The following DAB2IP variants were observed in gnomAD, a reference collection of about 807,000 sequenced individuals.
DAB2IP encodes disabled homolog 2-interacting protein.
Under a neutral mutation model 107.2 loss-of-function variants are expected in DAB2IP, and 28 were observed. The ratio of observed to expected loss-of-function variants is 0.26; its 90% confidence interval spans 0.19 to 0.36. DAB2IP has a LOEUF of 0.36. Ranked by LOEUF, DAB2IP falls within the 10% of genes least tolerant of loss-of-function variation. The probability of loss-of-function intolerance (pLI) is 1.00; values close to 1 mark genes in which losing one functional copy is unlikely to be tolerated. For missense variants in DAB2IP, 1,400 were observed against 1,644.7 expected, an observed-to-expected ratio of 0.85 and a Z score of 2.57; for synonymous variants, 755 against 706.4, an observed-to-expected ratio of 1.07 and a Z score of -1.09.
rs1224462192 is a variant in DAB2IP at position 121,772,182 on chromosome 9, G to A, written c.2079-425G>A. 6.6e-6 allele frequency among the ~76,000 whole-genome samples: 1 copy of A among 152,208 alleles called. No individual in the cohort carries two copies. Among genetic ancestry groups the A allele is most frequent in the Non-Finnish European group, 1.5e-5 (1 of 68,030 alleles). Reference sequence around the variant, plus strand: ...GTTACCAGTCTGATTAGGAACAAGAGGGAAGAGGCAGAGGGAACCCAGTGA... The same window carrying A: ...GTTACCAGTCTGATTAGGAACAAGAAGGAAGAGGCAGAGGGAACCCAGTGA... On this transcript the variant is annotated intron_variant, in intron 11 of 15. Transcript: ENST00000408936. This position sits in a 1 kb window ranked among gnomAD's most constrained non-coding sequence, Gnocchi z 4.7.
intron 8 of DAB2IP, among the ~76,000 whole-genome samples, chr9:121,764,203 C>T (rs1378496492): frequency 6.6e-5 from 10 of 152,278 alleles, no homozygotes; most frequent in Middle Eastern, 3.4e-3. Context: ...TTGGGGTGGG[C>T]GGATGGCTTC....
intron 3 of DAB2IP, among the ~76,000 whole-genome samples, chr9:121,714,623 G>A (rs115640045): frequency 0.015 from 2,276 of 152,322 alleles, 69 homozygotes; most frequent in African/African-American, 0.051. Context: ...TTCAGTTAGA[G>A]CCAGTTACAT....
At chr9:121,588,868 A>G (rs1830366007) in intron 1 of DAB2IP, among the ~76,000 whole-genome samples, 1 of 151,880 alleles carries the variant, frequency 6.6e-6, no homozygotes, top group Non-Finnish European at 1.5e-5. Flanking sequence ...GCAACCCCCA[A>G]GAGCTAAGCA....
chr9:121,596,817 T>C (rs1830540404), intron 1 of DAB2IP, among the ~76,000 whole-genome samples: 1 of 152,214 alleles, frequency 6.6e-6, no homozygotes, highest in Non-Finnish European at 1.5e-5. Flanking sequence ...TGCCAAATTG[T>C]TTCCCAGAGT....
At chr9:121,680,177 G>A (rs529700591) in intron 2 of DAB2IP, among the ~76,000 whole-genome samples, 1 of 152,320 alleles carries the variant, frequency 6.6e-6, no homozygotes, top group African/African-American at 2.4e-5. Context: ...AGGAGGTGAG[G>A]CTGGGAGGCC....
intron 3 of DAB2IP, chr9:121,753,152 G>T (rs1833243721): frequency 2.0e-5 from 3 of 152,334 alleles, no homozygotes; most frequent in Non-Finnish European, 2.9e-5. Context: ...GCAGTGTGGA[G>T]TCCACGCCCT....
At chr9:121,783,476 G>A in exon 16 of DAB2IP, 1 of 1,613,800 alleles carries the variant, frequency 6.2e-7, no homozygotes, top group Non-Finnish European at 8.5e-7. Context: ...TTTAAAAAAA[G>A]ATTCTAACGC....
At chr9:121,637,381 C>T (rs1027986549) in intron 1 of DAB2IP, among the ~76,000 whole-genome samples, 8 of 152,202 alleles carry the variant, frequency 5.3e-5, no homozygotes, top group African/African-American at 1.7e-4. Flanking sequence ...GAAGCCACTT[C>T]GTCCGTGAAA....
At chr9:121,725,486 A>G (rs377082023) in intron 3 of DAB2IP, among the ~76,000 whole-genome samples, 5 of 152,098 alleles carry the variant, frequency 3.3e-5, no homozygotes, top group African/African-American at 9.7e-5. Context: ...AATTCCAGCC[A>G]TTGTTTCCTG....
intron 9 of DAB2IP, among the ~76,000 whole-genome samples, chr9:121,767,500 C>T (rs1013035499): frequency 2.6e-5 from 4 of 152,288 alleles, no homozygotes; most frequent in Non-Finnish European, 5.9e-5. Flanking sequence ...CAGGGTGAGG[C>T]GTTCATTGTC....
At chr9:121,783,657 A>T in exon 16 of DAB2IP, 2 of 1,373,716 alleles carry the variant, frequency 1.5e-6, no homozygotes, top group Non-Finnish European at 2.1e-6. Context: ...TCCCTCTCCA[A>T]GACAGCAGCA....
chr9:121,722,502 T>C (rs1370649304), intron 3 of DAB2IP, among the ~76,000 whole-genome samples: 1 of 152,148 alleles, frequency 6.6e-6, no homozygotes, highest in Non-Finnish European at 1.5e-5. Context: ...GCAGAAATGG[T>C]CCTTCAGATT....
chr9:121,647,338 A>G (rs931478287), upstream of DAB2IP, among the ~76,000 whole-genome samples: 1 of 152,182 alleles, frequency 6.6e-6, no homozygotes, highest in Non-Finnish European at 1.5e-5. Context: ...TTTATGGGCA[A>G]TTTAAGGCTT....
intron 1 of DAB2IP, among the ~76,000 whole-genome samples, chr9:121,593,994 A>G (rs1830472812): frequency 6.6e-6 from 1 of 151,824 alleles, no homozygotes; most frequent in South Asian, 2.1e-4. Flanking sequence ...AACCTGATCA[A>G]GTTCTTTCCA....
intron 1 of DAB2IP, chr9:121,575,292 T>G (rs1213338728): frequency 6.5e-6 from 1 of 154,408 alleles, no homozygotes; most frequent in Non-Finnish European, 1.4e-5. Context: ...CTCGGAGGGA[T>G]GGGGACAGCA....
intron 2 of DAB2IP, among the ~76,000 whole-genome samples, chr9:121,693,932 G>C (rs149491123): frequency 6.6e-6 from 1 of 152,136 alleles, no homozygotes; most frequent in Non-Finnish European, 1.5e-5. Context: ...TCCAGGTGGC[G>C]GTGCTGAAAT....
intron 1 of DAB2IP, among the ~76,000 whole-genome samples, chr9:121,645,775 G>A (rs1468307274): frequency 3.3e-5 from 5 of 152,148 alleles, no homozygotes; most frequent in East Asian, 1.9e-4. Flanking sequence ...CGGACATTCC[G>A]GGGCTTTATG....
At chr9:121,600,895 G>A (rs1312154349) in intron 1 of DAB2IP, among the ~76,000 whole-genome samples, 1 of 152,176 alleles carries the variant, frequency 6.6e-6, no homozygotes, top group Non-Finnish European at 1.5e-5. Flanking sequence ...GCCATCTTAA[G>A]CAGCCGATCT....
intron 1 of DAB2IP, among the ~76,000 whole-genome samples, chr9:121,590,114 T>C (rs1830396511): frequency 6.6e-6 from 1 of 151,970 alleles, no homozygotes. Context: ...CAGTATCACC[T>C]GGTCCTTCCT....
Sources: gnomAD v4.1 joint callset for allele counts (sites outside exome capture counted in the v4.1 genomes callset) on GRCh38, gnomAD v4.1.1 for gene constraint, Gnocchi (gnomAD v3.1) non-coding constraint, MANE v1.5 for transcripts, NCBI Gene and HGNC (gene_info 2026-07-23, HGNC 2026-07-21) for gene names.